USP4: variants seen among roughly 807,000 people sequenced by gnomAD.
The protein encoded by USP4 is ubiquitin carboxyl-terminal hydrolase 4.
In USP4, 72 loss-of-function variants were observed where a neutral mutation model predicts 118.2. The ratio of observed to expected loss-of-function variants is 0.61; its 90% CI spans 0.50 to 0.74. USP4 has a LOEUF of 0.74. Ranked by LOEUF, USP4 falls within the 30% of genes least tolerant of loss-of-function variation. The pLI is 0.00. For missense variants in USP4, 1,037 were observed against 1,185.7 expected (o/e 0.87, Z 1.84); for synonymous variants, 415 against 440.4 (o/e 0.94, Z 0.72).
chr3:49,327,644 T>C, intron 3 of USP4, 42 bp downstream of exon 3: 1 of 1,611,696 alleles, frequency 6.2e-7, no homozygotes, highest in East Asian at 2.2e-5. Context: ...AGAAAGCACC[T>C]GCAGACAGTG....
rs570774709 is a variant in USP4 at position 49,277,150 on chromosome 3, CCT to C, written c.*1141_*1142del. The C allele has an allele frequency of 2.3e-5, 33 of 1,438,146 alleles. No homozygotes were observed. The African/African-American group carries it at 3.4e-4, about 15-fold the overall frequency. The allele number at this position is 1,438,146 out of a possible 1,614,324, so 89.1% of individuals were successfully genotyped here. On this transcript the variant is annotated 3_prime_UTR_variant, in exon 22 of 22. Transcript: ENST00000265560. ...GGCCGCTGGCCCTACCGGCACCCCC[CCT>C]TTGGCGAGTCGGCAGCCACGTCCTT... is the stretch of plus-strand genomic sequence containing the variant.
chr3:49,299,145 A>C (rs1254917782), intron 11 of USP4, among the ~76,000 whole-genome samples: 1 of 151,908 alleles, frequency 6.6e-6, no homozygotes, highest in African/African-American at 2.4e-5. Flanking sequence ...GCTGGAGCGC[A>C]GTGACGCGAT....
chr3:49,286,109 A>G lies in USP4; in HGVS notation c.2189T>C (p.Leu730Pro). 6.2e-7 allele frequency: 1 copy of G among 1,614,234 alleles called. No homozygotes were observed. The highest frequency in any genetic ancestry group is 1.1e-5 in the South Asian group (1 of 91,088). ...INSLAADGKL[L>P]KLNSRSTLAM... ...GAAAAAGTGCTTACAGTTGAGTTTA[A>G]GTAGTTTTCCATCAGCTGCAAGTGA... The change falls in exon 16 of 22, where the codon CTT becomes CCT. Residue 730 changes from leucine (L) to proline (P), a missense_variant. Physicochemically the swap from Leu to Pro is moderately conservative, Grantham distance 98. Transcript: ENST00000265560.
At chr3:49,296,465 C>T (rs187114622) in intron 13 of USP4, among the ~76,000 whole-genome samples, 5 of 152,074 alleles carry the variant, frequency 3.3e-5, no homozygotes, top group East Asian at 1.9e-4. Context: ...CTGGCTAACA[C>T]GGTGAAGCCC....
chr3:49,310,384 A>G (rs1489495363), intron 8 of USP4, among the ~76,000 whole-genome samples: 1 of 152,178 alleles, frequency 6.6e-6, no homozygotes, highest in East Asian at 1.9e-4. Context: ...GTAAAATTCA[A>G]AATAATCTTA....
intron 3 of USP4, among the ~76,000 whole-genome samples, chr3:49,326,326 A>AT (rs2047554808): frequency 7.3e-5 from 11 of 151,634 alleles, no homozygotes. Context: ...CCCGCAAAAA[A>AT]ATATATATAT....
rs947596051 is a variant in USP4 at position 49,277,434 on chromosome 3, G to T, written c.*859C>A. 3.5e-6 allele frequency: 1 copy of T among 289,758 alleles called. No homozygotes were observed. Among genetic ancestry groups the T allele is most frequent in the African/African-American group, 2.3e-5 (1 of 44,082 alleles). The allele number at this position is 289,758 out of a possible 1,614,324, so 17.9% of individuals were successfully genotyped here. A position where few individuals can be genotyped will look rare whatever the true frequency, so the allele number is the denominator to read the frequency against. On this transcript the variant is annotated 3_prime_UTR_variant, in exon 22 of 22. Transcript: ENST00000265560. ...AGAACCCGTTCTAGAAAGCATCTGGGTAACACCAAAATGTATTACTACCCT... is the reference window on the plus strand; with the variant it reads ...AGAACCCGTTCTAGAAAGCATCTGGTTAACACCAAAATGTATTACTACCCT...
chr3:49,281,377 A>C (rs1351029439), intron 19 of USP4, among the ~76,000 whole-genome samples: 3 of 151,328 alleles, frequency 2.0e-5, no homozygotes, highest in Non-Finnish European at 4.4e-5. Context: ...AATGGCGTGA[A>C]CCCGGGAGGT....
At chr3:49,283,860 C>T (rs1292569432) in intron 19 of USP4, 127 bp downstream of exon 19, 4 of 1,139,132 alleles carry the variant, frequency 3.5e-6, no homozygotes, top group African/African-American at 1.5e-5. Context: ...AAACTCTGAC[C>T]TCCTAGACCC....
chr3:49,332,651 C>A, intron 2 of USP4, among the ~76,000 whole-genome samples: 1 of 151,960 alleles, frequency 6.6e-6, no homozygotes, highest in Non-Finnish European at 1.5e-5. Flanking sequence ...GAGTTTGAGA[C>A]CAGCCTGGCC....
Position 49,277,809 on chromosome 3 carries a change from T to C in USP4, c.*484A>G, listed in dbSNP as rs146164304. 75 of 224,976 alleles carry C rather than the reference T, an allele frequency of 3.3e-4. No homozygotes were observed. The highest frequency in any genetic ancestry group is 4.5e-4 in the Non-Finnish European group (52 of 116,746). 13.9% of individuals were successfully genotyped at this position (224,976 alleles called of 1,614,324 possible). ...TCAGTGGGTAACTTTCAGAAAATTA[T>C]AAACCCATATCAGTGCACATAGCGA... On this transcript the variant is annotated 3_prime_UTR_variant, in exon 22 of 22. Transcript: ENST00000265560.
intron 2 of USP4, among the ~76,000 whole-genome samples, chr3:49,331,694 T>C (rs987485146): frequency 6.6e-6 from 1 of 152,180 alleles, no homozygotes. Context: ...CAGGCTTTGT[T>C]GTTGCATGTG....
chr3:49,284,408 G>C, intron 18 of USP4, 58 bp downstream of exon 18: 1 of 1,388,926 alleles, frequency 7.2e-7, no homozygotes, highest in Non-Finnish European at 1.0e-6. Flanking sequence ...GATGGCCCTA[G>C]CAGATCTGAG....
intron 6 of USP4, chr3:49,312,050 G>A (rs923833242): frequency 1.1e-5 from 3 of 267,556 alleles, no homozygotes; most frequent in East Asian, 1.3e-4. Context: ...CAGGTCGCGC[G>A]TGGTGGCTCA....
chr3:49,278,958 G>T, intron 20 of USP4, 56 bp from the exon 21 acceptor site: 3 of 1,221,232 alleles, frequency 2.5e-6, no homozygotes, highest in South Asian at 2.8e-5. Context: ...AATCTGGCTA[G>T]CTTATTAGGC....
intron 8 of USP4, among the ~76,000 whole-genome samples, chr3:49,308,260 T>C (rs2047340555): frequency 6.6e-6 from 1 of 152,062 alleles, no homozygotes; most frequent in African/African-American, 2.4e-5. Flanking sequence ...TGACTTACGG[T>C]GGGGGCTTTG....
chr3:49,318,417 C>A, intron 6 of USP4: 7 of 985,520 alleles, frequency 7.1e-6, no homozygotes, highest in Non-Finnish European at 8.4e-6. Context: ...GGCTGGCAAC[C>A]TTAAAGGGCC....
Position 49,292,590 on chromosome 3 carries a change from A to G in USP4, c.1892T>C (p.Val631Ala). 1.3e-6 allele frequency: 2 copies of G among 1,583,914 alleles called. No homozygotes were observed. Among genetic ancestry groups the G allele is most frequent in the East Asian group, 2.3e-5 (1 of 43,944 alleles). The change falls in exon 15 of 22, where the codon GTG becomes GCG. Residue 631 changes from valine (V) to alanine (A), a missense_variant. Around this residue, in one of 3 missense-constraint regions of USP4, gnomAD observed 522 missense variants for 592.6 expected, o/e 0.88. Coordinates refer to ENST00000265560, the MANE Select transcript of USP4 (RefSeq NM_003363.4). ...QAVCDRISRY[V>A]KQPLPDEFGS... Reference sequence around the variant, plus strand: ...AAACTCATCAGGTAAAGGCTGTTTCACATAGCGGCTTCAAAAAGAGAAAAA... The same window carrying G: ...AAACTCATCAGGTAAAGGCTGTTTCGCATAGCGGCTTCAAAAAGAGAAAAA...
chr3:49,280,772 A>C lies in USP4; in HGVS notation c.2616T>G (p.Asn872Lys). Reference protein sequence around the residue: ...PYVYDLIAVSNHYGAMGVGHY... With the variant: ...PYVYDLIAVSKHYGAMGVGHY... ...GGCCAACCCCCATGGCTCCATAATGATTGGACACGGCAATGAGGTCGTACA... is the reference window on the plus strand; with the variant it reads ...GGCCAACCCCCATGGCTCCATAATGCTTGGACACGGCAATGAGGTCGTACA... The change falls in exon 20 of 22, where the codon AAT (asparagine) becomes AAG (lysine). Residue 872 changes from asparagine to lysine, a missense_variant. Coordinates refer to ENST00000265560, the MANE Select transcript of USP4 (RefSeq NM_003363.4). 1 of 1,614,142 alleles carries C rather than the reference A, an allele frequency of 6.2e-7. No homozygotes were observed. The highest frequency in any genetic ancestry group is 8.5e-7 in the Non-Finnish European group (1 of 1,179,988).
Sources: gnomAD v4.1 joint callset for allele counts (sites outside exome capture counted in the v4.1 genomes callset) on GRCh38, gnomAD v4.1.1 for gene constraint, gnomAD v4.1.1 regional missense constraint, MANE v1.5 for transcripts, NCBI Gene and HGNC (gene_info 2026-07-23, HGNC 2026-07-21) for gene names.